Variants in LHFPL3 observed in about 807,000 individuals in gnomAD.
The protein encoded by LHFPL3 is LHFPL tetraspan subfamily member 3.
Under a neutral mutation model 19.3 loss-of-function variants are expected in LHFPL3, and 5 were observed. The observed-to-expected ratio is 0.26, with a 90% CI of 0.14 to 0.54. The LOEUF (loss-of-function observed/expected upper bound fraction) is 0.54. Ranked by LOEUF, LHFPL3 falls within the 20% of genes least tolerant of loss-of-function variation. LHFPL3 has a pLI of 0.94. For missense variants in LHFPL3, 249 were observed against 307.4 expected, an observed-to-expected ratio of 0.81 and a Z score of 1.42; for synonymous variants, 133 against 126.2, an observed-to-expected ratio of 1.05 and a Z score of -0.36.
chr7:104,651,188 A>G (rs759091804), intron 1 of LHFPL3, among the ~76,000 whole-genome samples: 1 of 152,188 alleles, frequency 6.6e-6, no homozygotes, highest in Non-Finnish European at 1.5e-5. Context: ...AATGAACCAC[A>G]CTGAGAAGCA....
chr7:104,796,151 G>A (rs1034768699), intron 2 of LHFPL3, among the ~76,000 whole-genome samples: 1 of 152,146 alleles, frequency 6.6e-6, no homozygotes, highest in Non-Finnish European at 1.5e-5. Context: ...CCCAAGTTAG[G>A]GCTCGAGGAA....
intron 1 of LHFPL3, among the ~76,000 whole-genome samples, chr7:104,644,425 A>G (rs1287331397): frequency 1.3e-5 from 2 of 152,206 alleles, no homozygotes; most frequent in Non-Finnish European, 2.9e-5. Flanking sequence ...ACACAGGCAC[A>G]TAAATATTAT....
At chr7:104,555,218 T>A (rs1473868614) in intron 1 of LHFPL3, among the ~76,000 whole-genome samples, 4 of 152,138 alleles carry the variant, frequency 2.6e-5, no homozygotes, top group Middle Eastern at 3.2e-3. Context: ...GGTGATTAGG[T>A]CATAAGGTGA....
At chr7:104,831,886 T>C (rs151109231) in intron 2 of LHFPL3, among the ~76,000 whole-genome samples, 1 of 152,046 alleles carries the variant, frequency 6.6e-6, no homozygotes, top group African/African-American at 2.4e-5. Context: ...TATCGGTAAA[T>C]GGAGGGTTAA....
At chr7:104,519,412 A>G (rs1026825139) in intron 1 of LHFPL3, among the ~76,000 whole-genome samples, 1 of 152,180 alleles carries the variant, frequency 6.6e-6, no homozygotes, top group Non-Finnish European at 1.5e-5. Context: ...GTTTAAGGAA[A>G]TTAAACTTTA....
intron 2 of LHFPL3, among the ~76,000 whole-genome samples, chr7:104,811,152 T>C (rs961152759): frequency 8.6e-6 from 1 of 115,832 alleles, no homozygotes; most frequent in African/African-American, 3.3e-5. Flanking sequence ...TTCTTTCTTT[T>C]TCTTTCTTTC....
intron 2 of LHFPL3, among the ~76,000 whole-genome samples, chr7:104,841,113 C>G (rs1267562992): frequency 6.6e-6 from 1 of 152,154 alleles, no homozygotes; most frequent in Non-Finnish European, 1.5e-5. Context: ...ATGGTGCCAG[C>G]AAGCCTCGGC....
chr7:104,905,100 C>T (rs183096046), intron 2 of LHFPL3, among the ~76,000 whole-genome samples: 23 of 151,978 alleles, frequency 1.5e-4, no homozygotes, highest in Admixed American at 1.4e-3. Flanking sequence ...GGACTACAGG[C>T]GCACCACCAC....
At chr7:104,500,244 T>C (rs1793574679) in intron 1 of LHFPL3, among the ~76,000 whole-genome samples, 1 of 152,226 alleles carries the variant, frequency 6.6e-6, no homozygotes, top group South Asian at 2.1e-4. Flanking sequence ...TCTGGGAGTT[T>C]ATTTCAACAA....
chr7:104,566,215 A>G (rs11765325), intron 1 of LHFPL3, among the ~76,000 whole-genome samples: 16,762 of 152,102 alleles, frequency 0.11, 1,949 homozygotes, highest in African/African-American at 0.3. Flanking sequence ...GCCTGTCATG[A>G]TGGCATGCAC....
intron 1 of LHFPL3, among the ~76,000 whole-genome samples, chr7:104,357,619 T>TATTCTAAGG (rs1790305211): frequency 6.6e-6 from 1 of 152,188 alleles, no homozygotes. Flanking sequence ...TTAAGAGATT[T>TATTCTAAGG]ATTCTAAGGA....
intron 1 of LHFPL3, among the ~76,000 whole-genome samples, chr7:104,412,675 G>T (rs1209270114): frequency 6.6e-6 from 1 of 152,072 alleles, no homozygotes; most frequent in Non-Finnish European, 1.5e-5. Flanking sequence ...TAGGAGGTGT[G>T]TAAGCGATGT....
intron 2 of LHFPL3, among the ~76,000 whole-genome samples, chr7:104,767,642 A>G (rs1794478913): frequency 6.6e-6 from 1 of 152,190 alleles, no homozygotes; most frequent in African/African-American, 2.4e-5. Context: ...TACAAACAAT[A>G]ATTAAACCCA....
chr7:104,370,878 A>G (rs552139135), intron 1 of LHFPL3, among the ~76,000 whole-genome samples: 3 of 152,208 alleles, frequency 2.0e-5, no homozygotes, highest in South Asian at 2.1e-4. Flanking sequence ...GCAAAACTCC[A>G]TCTCAAAAAA....
At chr7:104,413,214 G>A (rs574907634) in intron 1 of LHFPL3, among the ~76,000 whole-genome samples, 23 of 152,328 alleles carry the variant, frequency 1.5e-4, no homozygotes, top group Non-Finnish European at 2.5e-4. Flanking sequence ...ACCCCAGGTA[G>A]TGTTGACCTG....
At chr7:104,864,374 AAG>A (rs1791678359) in intron 2 of LHFPL3, among the ~76,000 whole-genome samples, 2 of 151,900 alleles carry the variant, frequency 1.3e-5, no homozygotes, top group African/African-American at 4.9e-5. Context: ...TCAAAAAAAA[AAG>A]GGGTGACAGA....
intron 2 of LHFPL3, among the ~76,000 whole-genome samples, chr7:104,858,958 T>C (rs928311243): frequency 4.9e-5 from 3 of 61,092 alleles, no homozygotes; most frequent in Non-Finnish European, 1.1e-4. Context: ...TAAAATTTTA[T>C]TTAAAAAAAA....
At chr7:104,901,110 A>C (rs988809716) in intron 2 of LHFPL3, among the ~76,000 whole-genome samples, 2 of 152,258 alleles carry the variant, frequency 1.3e-5, no homozygotes, top group African/African-American at 2.4e-5. Context: ...TTAAGACTGA[A>C]GGAGTGATGG....
chr7:104,688,022 G>A (rs1792839516), intron 1 of LHFPL3, among the ~76,000 whole-genome samples: 1 of 152,156 alleles, frequency 6.6e-6, no homozygotes, highest in African/African-American at 2.4e-5. Context: ...CTAATAGTAT[G>A]GAGAACACTC....
Sources: allele counts gnomAD v4.1 joint callset (sites outside exome capture counted in the v4.1 genomes callset), GRCh38; gene constraint gnomAD v4.1.1; transcripts MANE v1.5; gene names NCBI Gene and HGNC (gene_info 2026-07-23, HGNC 2026-07-21).